Variants in RAI1 observed in about 807,000 individuals in gnomAD.
RAI1 encodes retinoic acid-induced protein 1.
In RAI1, 9 loss-of-function variants were observed where a neutral mutation model predicts 123.8. The observed-to-expected ratio is 0.07, with a 90% CI of 0.04 to 0.13. RAI1 has a LOEUF of 0.13. Ranked by LOEUF, RAI1 falls within the 10% of genes least tolerant of loss-of-function variation. The pLI is 1.00. For missense variants in RAI1, 2,256 were observed against 2,545.8 expected (o/e 0.89, Z 2.45); for synonymous variants, 1,231 against 1,127.3 (o/e 1.09, Z -1.84).
At chr17:17,804,482 C>T (rs1199819079) in intron 4 of RAI1, among the ~76,000 whole-genome samples, 1 of 152,204 alleles carries the variant, frequency 6.6e-6, no homozygotes, top group Non-Finnish European at 1.5e-5. Context: ...GCTGGAGCCA[C>T]CCAAGAGCCC....
intron 2 of RAI1, among the ~76,000 whole-genome samples, chr17:17,755,999 C>T (rs2030423561): frequency 1.3e-5 from 2 of 152,216 alleles, no homozygotes; most frequent in Admixed American, 6.5e-5. Context: ...GCACCCAGTC[C>T]TTACGTGAGC....
rs766654020 is a variant in RAI1 at position 17,797,788 on chromosome 17, G to A, written c.4840G>A (p.Val1614Ile). ...RDAFTTICTV[V>I]NSPGDAPKPH... The stretch of plus-strand genomic sequence containing the variant: ...CGCGTTCACCACCATATGCACTGTT[G>A]TCAACTCCCCTGGAGATGCGCCCAA... The change falls in exon 3 of 6, where the codon GTC (valine) becomes ATC (isoleucine). Residue 1614 changes from valine (V) to isoleucine (I), a missense_variant. Coordinates refer to ENST00000353383, the MANE Select transcript of RAI1 (RefSeq NM_030665.4). 3.1e-6 allele frequency: 5 copies of A among 1,614,060 alleles called. No homozygotes were observed. Among genetic ancestry groups the A allele is most frequent in the Non-Finnish European group, 4.2e-6 (5 of 1,180,032 alleles).
intron 2 of RAI1, among the ~76,000 whole-genome samples, chr17:17,767,417 A>C (rs998592208): frequency 6.6e-6 from 1 of 152,210 alleles, no homozygotes; most frequent in African/African-American, 2.4e-5. Context: ...GCTGAAAAAA[A>C]AAAAAAGATA....
At chr17:17,741,758 G>A (rs1200725926) in intron 2 of RAI1, among the ~76,000 whole-genome samples, 1 of 152,260 alleles carries the variant, frequency 6.6e-6, no homozygotes, top group Non-Finnish European at 1.5e-5. Flanking sequence ...AAGCCCGGGA[G>A]TGGGGCTCAG....
In RAI1 at chr17:17,793,187, G is replaced by A. The variant is rs372896387; in HGVS notation, c.239G>A (p.Arg80Gln). Residue 80 changes from arginine (R) to glutamine (Q), a missense_variant, in exon 3 of 6, where the codon CGA becomes CAA. Physicochemically the swap from Arg to Gln is conservative, Grantham distance 43. Coordinates refer to ENST00000353383, the MANE Select transcript of RAI1 (RefSeq NM_030665.4). The stretch of plus-strand genomic sequence containing the variant: ...GCGGTGGCCGCCGACAAGTACCACC[G>A]AGGCAGCAAGGCCCTGCCCACACAG... ...AAAVAADKYH[R>Q]GSKALPTQQG... The A allele has an allele frequency of 6.4e-5, 103 of 1,612,806 alleles. No individual in the cohort carries two copies. The highest frequency in any genetic ancestry group is 7.9e-5 in the Non-Finnish European group (93 of 1,179,780).
chr17:17,745,956 T>C (rs934247974), intron 2 of RAI1, among the ~76,000 whole-genome samples: 2 of 152,132 alleles, frequency 1.3e-5, no homozygotes, highest in African/African-American at 4.8e-5. Flanking sequence ...AGCCATACCA[T>C]GGCCGGGGAC....
intron 1 of RAI1, among the ~76,000 whole-genome samples, chr17:17,689,554 T>C (rs761897294): frequency 2.6e-5 from 4 of 152,184 alleles, no homozygotes; most frequent in Non-Finnish European, 5.9e-5. Flanking sequence ...CATTTATAAA[T>C]CACGTGTAGA....
Position 17,793,054 on chromosome 17 carries a change from G to A in RAI1, c.106G>A (p.Ala36Thr). The A allele has an allele frequency of 6.2e-7, 1 of 1,614,176 alleles. No individual in the cohort carries two copies. Among genetic ancestry groups the A allele is most frequent in the Non-Finnish European group, 8.5e-7 (1 of 1,180,032 alleles). ...RLENYRQPSQ[A>T]GLSCDRQRLL... ...AGAGAATTACAGGCAGCCGAGTCAG[G>A]CCGGGCTAAGCTGCGACCGGCAGCG... Residue 36 changes from alanine (A) to threonine (T), a missense_variant, in exon 3 of 6, where the codon GCC (alanine) becomes ACC (threonine). By Grantham distance (58) the Ala-to-Thr change is moderately conservative. Coordinates refer to ENST00000353383, the MANE Select transcript of RAI1 (RefSeq NM_030665.4).
intron 2 of RAI1, among the ~76,000 whole-genome samples, chr17:17,750,087 G>A (rs537361051): frequency 6.6e-6 from 1 of 152,336 alleles, no homozygotes; most frequent in East Asian, 1.9e-4. Flanking sequence ...GTCCACCCTG[G>A]AAGGAGATAT....
chr17:17,708,604 AG>A (rs1915466606), intron 1 of RAI1, among the ~76,000 whole-genome samples: 1 of 152,190 alleles, frequency 6.6e-6, no homozygotes, highest in East Asian at 1.9e-4. Flanking sequence ...ATGGAATCTT[AG>A]GGGTCCCCTG....
At chr17:17,734,874 C>G (rs1036858952) in intron 2 of RAI1, among the ~76,000 whole-genome samples, 5 of 152,230 alleles carry the variant, frequency 3.3e-5, no homozygotes, top group African/African-American at 1.2e-4. Flanking sequence ...AAAGCTATTT[C>G]CAGGCCCCAT....
At chr17:17,725,297 G>A (rs764242285) in intron 2 of RAI1, among the ~76,000 whole-genome samples, 8 of 152,152 alleles carry the variant, frequency 5.3e-5, no homozygotes, top group Non-Finnish European at 8.8e-5. Flanking sequence ...TGAAAGAGGT[G>A]ATCCCGAGGG....
intron 1 of RAI1, among the ~76,000 whole-genome samples, chr17:17,715,838 G>A (rs1401184944): frequency 6.6e-6 from 1 of 152,152 alleles, no homozygotes; most frequent in African/African-American, 2.4e-5. Flanking sequence ...GCTGTGAGAG[G>A]GCCAAGTTGC....
chr17:17,786,934 G>T (rs1444862122), intron 2 of RAI1, among the ~76,000 whole-genome samples: 1 of 152,232 alleles, frequency 6.6e-6, no homozygotes, highest in African/African-American at 2.4e-5. Flanking sequence ...TTAGCTGGGC[G>T]TTGTGGCACA....
intron 4 of RAI1, among the ~76,000 whole-genome samples, chr17:17,804,889 A>G (rs2032566173): frequency 6.7e-6 from 1 of 149,132 alleles, no homozygotes; most frequent in African/African-American, 2.6e-5. Context: ...TTTGAGACGG[A>G]GTCTCACTCT....
chr17:17,795,399 G>A lies in RAI1; in HGVS notation c.2451G>A (p.Gly817=). 1 of 1,591,926 alleles carries A rather than the reference G, an allele frequency of 6.3e-7. No individual in the cohort carries two copies. Among genetic ancestry groups the A allele is most frequent in the Non-Finnish European group, 8.6e-7 (1 of 1,166,954 alleles). Residue 817 remains glycine (G), a synonymous_variant, in exon 3 of 6, where the codon GGG becomes GGA. Transcript: ENST00000353383. This position sits in a 1 kb window ranked among gnomAD's most constrained non-coding sequence, Gnocchi z 5.9. ...PGDFKQEEVG[G]VKEEAGGLLQ... is the part of the protein sequence containing the mutation. ...ACTTCAAGCAGGAGGAGGTGGGTGG[G>A]GTGAAGGAGGAGGCAGGTGGGCTGC... is the stretch of plus-strand genomic sequence containing the variant.
Position 17,797,169 on chromosome 17 carries a change from C to T in RAI1, c.4221C>T (p.Ser1407=). ...TATGCAGAAATCCAACCAACAGATC[C>T]TTAAAAGGCAAACTCATGAACAGTA... The part of the protein sequence containing the change: ...DPLCRNPTNR[S]LKGKLMNSKK... The change falls in exon 3 of 6, where the codon TCC becomes TCT. Residue 1407 remains serine (S), a synonymous_variant. Coordinates refer to ENST00000353383, the MANE Select transcript of RAI1 (RefSeq NM_030665.4). The T allele has an allele frequency of 6.2e-7, 1 of 1,613,980 alleles. No homozygotes were observed. The highest frequency in any genetic ancestry group is 8.5e-7 in the Non-Finnish European group (1 of 1,180,032).
At chr17:17,780,984 C>T (rs891528652) in intron 2 of RAI1, among the ~76,000 whole-genome samples, 1 of 152,168 alleles carries the variant, frequency 6.6e-6, no homozygotes, top group Non-Finnish European at 1.5e-5. Flanking sequence ...GCATCCTCAC[C>T]CCCTCCCCTC....
At chr17:17,787,240 C>T (rs1031892433) in intron 2 of RAI1, among the ~76,000 whole-genome samples, 2 of 152,176 alleles carry the variant, frequency 1.3e-5, no homozygotes, top group Non-Finnish European at 2.9e-5. Flanking sequence ...AGGCCCAGGA[C>T]TGATTGTGTC....
Sources: allele counts gnomAD v4.1 joint callset (sites outside exome capture counted in the v4.1 genomes callset), GRCh38; gene constraint gnomAD v4.1.1; non-coding constraint Gnocchi (gnomAD v3.1); transcripts MANE v1.5; gene names NCBI Gene and HGNC (gene_info 2026-07-23, HGNC 2026-07-21).